Variants in UBAP2 observed in about 807,000 individuals in gnomAD.
UBAP2 encodes ubiquitin associated protein 2, also known as ubiquitin-associated protein 2.
In UBAP2, 75 loss-of-function variants were observed where a neutral mutation model predicts 139.6. The ratio of observed to expected loss-of-function variants is 0.54; its 90% CI spans 0.45 to 0.65. The LOEUF (loss-of-function observed/expected upper bound fraction) is 0.65. Among genes scored for constraint, UBAP2 ranks in the 30% least tolerant of loss-of-function variants. The pLI, the probability that UBAP2 is intolerant of heterozygous loss-of-function variation, is 0.00. For synonymous variants in UBAP2, 526 were observed against 526.2 expected, an observed-to-expected ratio of 1.00 and a Z score of 0.01; for missense variants, 1,368 against 1,369.6, an observed-to-expected ratio of 1.00 and a Z score of 0.02.
chr9:34,013,376 C>G (rs1177676976), intron 2 of UBAP2, among the ~76,000 whole-genome samples: 1 of 151,748 alleles, frequency 6.6e-6, no homozygotes, highest in Non-Finnish European at 1.5e-5. Flanking sequence ...ATGGTGAAAC[C>G]CCGTCTCTAC....
chr9:33,939,988 G>A (rs1027956733), intron 16 of UBAP2, among the ~76,000 whole-genome samples: 1 of 137,268 alleles, frequency 7.3e-6, no homozygotes, highest in Non-Finnish European at 1.6e-5. Flanking sequence ...TAGGAGGGAG[G>A]AGGGTGAGGA....
intron 15 of UBAP2, 65 bp from the exon 16 acceptor site, chr9:33,941,927 AACAT>A (rs1825250610): frequency 1.8e-6 from 2 of 1,127,428 alleles, no homozygotes; most frequent in African/African-American, 1.6e-5. Context: ...AAAAAAAAAA[AACAT>A]AAACAGCTTC....
At chr9:34,037,201 G>T (rs1454408400) in intron 1 of UBAP2, among the ~76,000 whole-genome samples, 2 of 152,118 alleles carry the variant, frequency 1.3e-5, no homozygotes, top group Admixed American at 1.3e-4. Context: ...TTTTAGCCAG[G>T]ATGGTCTCGA....
At chr9:34,036,804 CTCTTT>C (rs72465578) in intron 1 of UBAP2, among the ~76,000 whole-genome samples, 17,352 of 137,618 alleles carry the variant, frequency 0.13, 1,087 homozygotes, top group African/African-American at 0.21. Flanking sequence ...TTAAGTTTTT[CTCTTT>C]TTTTTTTTTT....
At chr9:34,047,835 A>C (rs993617969) in intron 1 of UBAP2, among the ~76,000 whole-genome samples, 10 of 152,354 alleles carry the variant, frequency 6.6e-5, no homozygotes, top group Middle Eastern at 6.8e-3. Flanking sequence ...GTAATTTTTT[A>C]AAATCTCTCA....
rs202084459 is a variant in UBAP2 at position 33,944,384 on chromosome 9, C to T, written c.1526G>A (p.Arg509Gln). 5.0e-5 allele frequency: 80 copies of T among 1,612,738 alleles called. 1 individual carries two copies. The highest frequency in any genetic ancestry group is 4.5e-5 in the East Asian group (2 of 44,874). ...GCCCACCTTAGAAGCTGGGGGTATC[C>T]GCCGCTTAGCAAGTTTGATGTGTTT... ...QPKHIKLAKR[R>Q]IPPASKIPAS... The change falls in exon 14 of 29, where the codon CGG becomes CAG. Residue 509 changes from arginine (R) to glutamine (Q), a missense_variant. Transcript: ENST00000379238.
chr9:34,000,952 C>G (rs1317120963), intron 2 of UBAP2, among the ~76,000 whole-genome samples: 2 of 152,124 alleles, frequency 1.3e-5, no homozygotes, highest in Non-Finnish European at 1.5e-5. Context: ...AAAATCTTAC[C>G]TCAATTGTTC....
At position 33,986,747 on chromosome 9, in the gene UBAP2, T is replaced by A; in HGVS notation, c.520+13A>T. On this transcript the variant is annotated intron_variant, in intron 6 of 28. Transcript: ENST00000379238. ...TAATTGAAAGCATTTTCTTCCCTCT[T>A]ACTCTAGCTTACCTCTACCCCGGGC... The A allele has an allele frequency of 1.2e-6, 2 of 1,612,032 alleles. No individual in the cohort carries two copies.
In UBAP2 at chr9:33,944,036, TG is replaced by T. The variant is rs199980584; in HGVS notation, c.1545+328del. On this transcript the variant is annotated intron_variant, in intron 14 of 28. Transcript: ENST00000379238. ...AACACTGAGCTGACTACTCTATTTT[TG>T]GGGACTCACCAATGATGAAAGTATC... Among the ~76,000 whole-genome samples, 1,198 of 152,306 alleles carry T rather than the reference TG, an allele frequency of 7.9e-3. 12 individuals carry two copies. Among genetic ancestry groups the T allele is most frequent in the African/African-American group, 0.026 (1,096 of 41,560 alleles).
chr9:34,041,925 T>A (rs947465078), intron 1 of UBAP2, among the ~76,000 whole-genome samples: 68 of 150,530 alleles, frequency 4.5e-4, no homozygotes, highest in African/African-American at 1.6e-3. Flanking sequence ...TTTGGGAGGC[T>A]GAGGAAGGAG....
intron 13 of UBAP2, among the ~76,000 whole-genome samples, chr9:33,945,632 G>GGAA (rs1240083589): frequency 2.0e-5 from 3 of 152,158 alleles, no homozygotes; most frequent in African/African-American, 7.2e-5. Context: ...GTCTCTTTCA[G>GGAA]AGATACTATA....
At chr9:34,005,517 T>C (rs1445358690) in intron 2 of UBAP2, among the ~76,000 whole-genome samples, 1 of 151,270 alleles carries the variant, frequency 6.6e-6, no homozygotes, top group Non-Finnish European at 1.5e-5. Context: ...ATTACAGAAT[T>C]CAAGAAATAA....
At chr9:34,045,903 C>A (rs1314626449) in intron 1 of UBAP2, among the ~76,000 whole-genome samples, 3 of 152,234 alleles carry the variant, frequency 2.0e-5, no homozygotes, top group Middle Eastern at 3.4e-3. Context: ...TACATGTCCT[C>A]CCTCTCTTTG....
chr9:34,005,434 CAAAAAAAA>C (rs36086568), intron 2 of UBAP2, among the ~76,000 whole-genome samples: 3 of 86,304 alleles, frequency 3.5e-5, no homozygotes, highest in Middle Eastern at 5.6e-3. Context: ...GACCCTGTCT[CAAAAAAAA>C]AAAAAAAAAA....
intron 2 of UBAP2, among the ~76,000 whole-genome samples, chr9:34,016,681 G>T (rs7020022): frequency 9.9e-5 from 15 of 150,986 alleles, no homozygotes; most frequent in Admixed American, 2.0e-4. Flanking sequence ...TTAGCCTCCC[G>T]AGAAGCTAGG....
intron 13 of UBAP2, among the ~76,000 whole-genome samples, chr9:33,946,681 G>A (rs1336920753): frequency 6.6e-6 from 1 of 152,082 alleles, no homozygotes; most frequent in East Asian, 1.9e-4. Context: ...GAGCCACTGT[G>A]CCCAGCTAGC....
At chr9:33,946,059 T>C (rs1265204780) in intron 13 of UBAP2, among the ~76,000 whole-genome samples, 2 of 152,212 alleles carry the variant, frequency 1.3e-5, no homozygotes, top group African/African-American at 2.4e-5. Flanking sequence ...TCAAACACTT[T>C]TGAATCTCCT....
At chr9:34,030,873 T>A (rs1222996213) in intron 1 of UBAP2, among the ~76,000 whole-genome samples, 1 of 151,730 alleles carries the variant, frequency 6.6e-6, no homozygotes, top group Non-Finnish European at 1.5e-5. Context: ...GAGCTTGCAG[T>A]GAGCCAAGAT....
intron 6 of UBAP2, among the ~76,000 whole-genome samples, chr9:33,983,746 T>C (rs890384194): frequency 7.2e-5 from 11 of 152,350 alleles, no homozygotes; most frequent in African/African-American, 2.6e-4. Context: ...TTGCCATCTT[T>C]CTATCTTTGA....
Sources: allele counts gnomAD v4.1 joint callset (sites outside exome capture counted in the v4.1 genomes callset), GRCh38; gene constraint gnomAD v4.1.1; transcripts MANE v1.5; gene names NCBI Gene and HGNC (gene_info 2026-07-23, HGNC 2026-07-21).